LHFPL3: variants seen among roughly 807,000 people sequenced by gnomAD.
LHFPL3 encodes the protein LHFPL tetraspan subfamily member 3 protein.
Under a neutral mutation model 19.3 loss-of-function variants are expected in LHFPL3, and 5 were observed. That is an observed-to-expected ratio of 0.26 (90% CI 0.14 to 0.54). The LOEUF is 0.54. Among genes scored for constraint, LHFPL3 ranks in the 20% least tolerant of loss-of-function variants. LHFPL3 has a pLI of 0.94. For missense variants in LHFPL3, 249 were observed against 307.4 expected (o/e 0.81, Z 1.42); for synonymous variants, 133 against 126.2 (o/e 1.05, Z -0.36).
At chr7:104,627,663 C>G (rs1032871530) in intron 1 of LHFPL3, among the ~76,000 whole-genome samples, 6 of 152,162 alleles carry the variant, frequency 3.9e-5, no homozygotes, top group African/African-American at 7.2e-5. Flanking sequence ...GCTCAGCCCT[C>G]GTGAAGATAC....
chr7:104,835,237 A>G (rs1187104192), intron 2 of LHFPL3, among the ~76,000 whole-genome samples: 1 of 151,978 alleles, frequency 6.6e-6, no homozygotes, highest in Non-Finnish European at 1.5e-5. Context: ...AATTCTCATA[A>G]AGTGCTTAGT....
chr7:104,510,881 A>T (rs1793798358), intron 1 of LHFPL3, among the ~76,000 whole-genome samples: 1 of 152,136 alleles, frequency 6.6e-6, no homozygotes, highest in Non-Finnish European at 1.5e-5. Context: ...GCAGAACAAT[A>T]AACACCGGGG....
At chr7:104,874,413 G>T (rs1316687649) in intron 2 of LHFPL3, among the ~76,000 whole-genome samples, 4 of 148,656 alleles carry the variant, frequency 2.7e-5, no homozygotes, top group Non-Finnish European at 4.5e-5. Flanking sequence ...TTTTGGGGGG[G>T]GGACAGAGTC....
chr7:104,695,035 CT>C (rs1189559273), intron 1 of LHFPL3, among the ~76,000 whole-genome samples: 2 of 152,236 alleles, frequency 1.3e-5, no homozygotes, highest in Admixed American at 1.3e-4. Flanking sequence ...GACTTAACAG[CT>C]TATCTGCTGT....
At chr7:104,823,607 A>G (rs1790720091) in intron 2 of LHFPL3, among the ~76,000 whole-genome samples, 1 of 152,186 alleles carries the variant, frequency 6.6e-6, no homozygotes, top group South Asian at 2.1e-4. Context: ...ATTATGCCAT[A>G]AAGATCACTA....
At chr7:104,395,558 G>A (rs563630332) in intron 1 of LHFPL3, among the ~76,000 whole-genome samples, 1 of 152,224 alleles carries the variant, frequency 6.6e-6, no homozygotes, top group African/African-American at 2.4e-5. Flanking sequence ...TATGTATTTG[G>A]TTATCAGAAG....
intron 1 of LHFPL3, among the ~76,000 whole-genome samples, chr7:104,347,165 C>T (rs1443587538): frequency 2.0e-5 from 3 of 151,832 alleles, no homozygotes; most frequent in African/African-American, 7.3e-5. Context: ...ACAGGCAATC[C>T]CAGAAAGAAC....
At chr7:104,898,027 T>TTTTTTTTTTTTAA (rs1792402133) in intron 2 of LHFPL3, among the ~76,000 whole-genome samples, 1 of 146,146 alleles carries the variant, frequency 6.8e-6, no homozygotes, top group Non-Finnish European at 1.5e-5. Context: ...TTTTTTTTTT[T>TTTTTTTTTTTTAA]GATACAGAGT....
intron 1 of LHFPL3, among the ~76,000 whole-genome samples, chr7:104,723,725 A>G (rs1793532469): frequency 2.0e-5 from 2 of 102,236 alleles, no homozygotes; most frequent in Middle Eastern, 5.1e-3. Flanking sequence ...ATGTCTCCAA[A>G]AAAAAAAAAA....
At chr7:104,856,378 T>C (rs1791507332) in intron 2 of LHFPL3, among the ~76,000 whole-genome samples, 1 of 150,546 alleles carries the variant, frequency 6.6e-6, no homozygotes, top group Non-Finnish European at 1.5e-5. Flanking sequence ...GCCTCCCGAG[T>C]AGCCGGGATT....
intron 1 of LHFPL3, among the ~76,000 whole-genome samples, chr7:104,671,071 G>A (rs1792471592): frequency 6.6e-6 from 1 of 151,940 alleles, no homozygotes; most frequent in Non-Finnish European, 1.5e-5. Context: ...CCTAGATTAG[G>A]CCCTGTTCAG....
chr7:104,889,896 A>G (rs1054791067), intron 2 of LHFPL3, among the ~76,000 whole-genome samples: 2 of 152,220 alleles, frequency 1.3e-5, no homozygotes, highest in Non-Finnish European at 2.9e-5. Flanking sequence ...GCTATATTAT[A>G]CCATCTCAAA....
chr7:104,568,837 TCA>T (rs1352688880), intron 1 of LHFPL3, among the ~76,000 whole-genome samples: 1 of 152,180 alleles, frequency 6.6e-6, no homozygotes, highest in Non-Finnish European at 1.5e-5. Flanking sequence ...AAAACAATGC[TCA>T]GTTAGTTCTT....
chr7:104,615,536 T>G (rs1435081105), intron 1 of LHFPL3, among the ~76,000 whole-genome samples: 6 of 152,314 alleles, frequency 3.9e-5, no homozygotes, highest in East Asian at 3.9e-4. Context: ...CTGCATTTTT[T>G]ATTACACTTT....
rs923825327 is a variant in LHFPL3, at chr7:104,422,170, G to T, written c.445+92946G>T. On this transcript the variant is annotated intron_variant, in intron 1 of 2. Coordinates refer to ENST00000424859, the MANE Select transcript of LHFPL3 (RefSeq NM_199000.3). Reference sequence around the variant, plus strand: ...GAGGTCAGGAGTTCAAGACCAGCCTGGCCAACATGGTGAAACACCATCTCT... The same window carrying T: ...GAGGTCAGGAGTTCAAGACCAGCCTTGCCAACATGGTGAAACACCATCTCT... 5.3e-5 allele frequency among the ~76,000 whole-genome samples: 8 copies of T among 152,150 alleles called. No homozygotes were observed. The East Asian group carries it at 1.5e-3, about 29-fold the overall frequency.
intron 1 of LHFPL3, among the ~76,000 whole-genome samples, chr7:104,343,327 A>G (rs1312976119): frequency 6.6e-6 from 1 of 151,862 alleles, no homozygotes; most frequent in Non-Finnish European, 1.5e-5. Context: ...AGCCTGGCCA[A>G]CAGAGTGAAA....
At chr7:104,569,540 C>T (rs1345260003) in intron 1 of LHFPL3, among the ~76,000 whole-genome samples, 1 of 152,014 alleles carries the variant, frequency 6.6e-6, no homozygotes, top group East Asian at 1.9e-4. Context: ...TGTTATGGGA[C>T]ACATATAGAT....
chr7:104,454,497 T>G (rs1792503236), intron 1 of LHFPL3, among the ~76,000 whole-genome samples: 1 of 152,140 alleles, frequency 6.6e-6, no homozygotes, highest in Non-Finnish European at 1.5e-5. Flanking sequence ...CTGTCAGGAG[T>G]ACCTAGAGGT....
intron 2 of LHFPL3, among the ~76,000 whole-genome samples, chr7:104,881,134 C>T (rs1792047397): frequency 6.9e-6 from 1 of 144,200 alleles, no homozygotes; most frequent in East Asian, 2.0e-4. Context: ...AGCACCACTG[C>T]ACTCCAGCCT....
Sources: gnomAD v4.1 joint callset for allele counts (sites outside exome capture counted in the v4.1 genomes callset) on GRCh38, gnomAD v4.1.1 for gene constraint, MANE v1.5 for transcripts, NCBI Gene and HGNC (gene_info 2026-07-23, HGNC 2026-07-21) for gene names.